The following NPAS3 variants were observed in gnomAD, a reference collection of about 807,000 sequenced individuals.
NPAS3 encodes the protein neuronal PAS domain-containing protein 3.
A neutral mutation model predicts 73.1 loss-of-function variants in NPAS3; 14 were observed. That is an observed-to-expected ratio of 0.19 (90% CI 0.13 to 0.30). NPAS3 has a LOEUF of 0.30. Ranked by LOEUF, NPAS3 falls within the 10% of genes least tolerant of loss-of-function variation. NPAS3 has a pLI of 1.00. For missense variants in NPAS3, 1,096 were observed against 1,250.0 expected, an observed-to-expected ratio of 0.88 and a Z score of 1.86; for synonymous variants, 620 against 541.5, an observed-to-expected ratio of 1.14 and a Z score of -2.01.
At chr14:33,447,206 G>A (rs1012981742) in intron 4 of NPAS3, among the ~76,000 whole-genome samples, 3 of 152,338 alleles carry the variant, frequency 2.0e-5, no homozygotes, top group African/African-American at 7.2e-5. Context: ...TCTTTGCAGA[G>A]GATAGTACTT....
intron 7 of NPAS3, among the ~76,000 whole-genome samples, chr14:33,757,796 G>A (rs541811513): frequency 6.6e-6 from 1 of 152,328 alleles, no homozygotes; most frequent in East Asian, 1.9e-4. Flanking sequence ...GAAATAAAGA[G>A]TGGTCCAAGG....
chr14:33,754,610 C>G (rs1418686054), intron 7 of NPAS3, among the ~76,000 whole-genome samples: 1 of 152,144 alleles, frequency 6.6e-6, no homozygotes, highest in Non-Finnish European at 1.5e-5. Flanking sequence ...CATCCTCATC[C>G]CCATCCCACT....
chr14:33,719,697 TCACCAGCCTGTA>T (rs1292891898), intron 6 of NPAS3, among the ~76,000 whole-genome samples: 1 of 152,050 alleles, frequency 6.6e-6, no homozygotes, highest in African/African-American at 2.4e-5. Context: ...CTTCAACGAG[TCACCAGCCTGTA>T]CCATTTGCCT....
chr14:33,638,493 A>G (rs2058588190), intron 5 of NPAS3, among the ~76,000 whole-genome samples: 2 of 152,378 alleles, frequency 1.3e-5, no homozygotes, highest in South Asian at 4.1e-4. Flanking sequence ...GGAGAAAATA[A>G]TAACACCAGC....
chr14:32,961,019 T>C (rs2036888842), intron 1 of NPAS3, among the ~76,000 whole-genome samples: 1 of 152,234 alleles, frequency 6.6e-6, no homozygotes, highest in Non-Finnish European at 1.5e-5. Context: ...TTTTTGTTTT[T>C]GAAAATATTT....
intron 4 of NPAS3, among the ~76,000 whole-genome samples, chr14:33,414,187 T>C (rs1345210276): frequency 3.3e-5 from 5 of 152,074 alleles, no homozygotes; most frequent in Admixed American, 3.3e-4. Flanking sequence ...AACGGAGGCA[T>C]GAGAGCAAAA....
intron 4 of NPAS3, among the ~76,000 whole-genome samples, chr14:33,510,548 T>C (rs980731635): frequency 6.6e-5 from 10 of 152,096 alleles, no homozygotes; most frequent in African/African-American, 2.4e-4. Flanking sequence ...AGCATTATGT[T>C]GTAAGGAATT....
At chr14:33,103,979 A>G (rs999023934) in intron 2 of NPAS3, among the ~76,000 whole-genome samples, 1 of 152,162 alleles carries the variant, frequency 6.6e-6, no homozygotes, top group African/African-American at 2.4e-5. Flanking sequence ...AATCTTAAAT[A>G]TGCTGTTGAC....
intron 3 of NPAS3, among the ~76,000 whole-genome samples, chr14:33,222,631 A>G (rs1192363167): frequency 1.3e-5 from 2 of 152,202 alleles, no homozygotes; most frequent in Non-Finnish European, 2.9e-5. Context: ...CTATGAGCTT[A>G]TTGAGGCAAT....
At chr14:33,254,970 A>G (rs184745964) in intron 3 of NPAS3, among the ~76,000 whole-genome samples, 40 of 152,230 alleles carry the variant, frequency 2.6e-4, no homozygotes, top group Admixed American at 2.6e-3. Flanking sequence ...TAAAAAAAAA[A>G]ACTAGTTGCA....
rs575533166 is a variant in NPAS3, at chr14:32,957,412, C to T, written c.50+18046C>T. 1.6e-4 allele frequency among the ~76,000 whole-genome samples: 24 copies of T among 147,288 alleles called. No homozygotes were observed. The East Asian group carries it at 4.0e-3, about 25-fold the overall frequency. On this transcript the variant is annotated intron_variant, in intron 1 of 11. Coordinates refer to ENST00000356141, the Ensembl canonical transcript of NPAS3. Reference sequence around the variant, plus strand: ...TTGGAAATGGAGTCTCGCTCTGTGGCGCAGGCTGGAGTGCAGTGGTGCGAT... The same window carrying T: ...TTGGAAATGGAGTCTCGCTCTGTGGTGCAGGCTGGAGTGCAGTGGTGCGAT...
At chr14:33,584,880 T>C (rs991403633) in intron 5 of NPAS3, among the ~76,000 whole-genome samples, 1 of 152,108 alleles carries the variant, frequency 6.6e-6, no homozygotes. Context: ...TAACAGTAAA[T>C]AAGGCGCACC....
intron 4 of NPAS3, among the ~76,000 whole-genome samples, chr14:33,523,912 G>A (rs970606531): frequency 6.7e-6 from 1 of 148,400 alleles, no homozygotes; most frequent in Non-Finnish European, 1.5e-5. Flanking sequence ...CCTACGCCTT[G>A]AGACAAGAGA....
intron 4 of NPAS3, among the ~76,000 whole-genome samples, chr14:33,482,845 T>A (rs1395221651): frequency 6.6e-6 from 1 of 152,198 alleles, no homozygotes; most frequent in Non-Finnish European, 1.5e-5. Flanking sequence ...CTCTTCACTT[T>A]TTCTCTTTCT....
At chr14:33,091,870 C>A (rs999070403) in intron 2 of NPAS3, among the ~76,000 whole-genome samples, 1 of 152,160 alleles carries the variant, frequency 6.6e-6, no homozygotes, top group African/African-American at 2.4e-5. Context: ...ATGACAAAAA[C>A]CACATGATTA....
intron 3 of NPAS3, among the ~76,000 whole-genome samples, chr14:33,269,829 G>A (rs745392786): frequency 2.2e-4 from 34 of 152,012 alleles, no homozygotes; most frequent in Non-Finnish European, 4.1e-4. Context: ...GTATGGGGAG[G>A]GAGGGCAAGA....
chr14:33,326,457 C>A (rs1289159641), intron 3 of NPAS3, among the ~76,000 whole-genome samples: 1 of 152,174 alleles, frequency 6.6e-6, no homozygotes, highest in African/African-American at 2.4e-5. Flanking sequence ...GAAAGTCTTT[C>A]TAGGGCCTCC....
chr14:33,075,788 T>G (rs1341009490), intron 2 of NPAS3, among the ~76,000 whole-genome samples: 3 of 152,256 alleles, frequency 2.0e-5, no homozygotes, highest in African/African-American at 7.2e-5. Flanking sequence ...AAATCTTCAG[T>G]AAACTGTATT....
intron 5 of NPAS3, among the ~76,000 whole-genome samples, chr14:33,569,036 C>A (rs12434620): frequency 0.019 from 2,816 of 152,204 alleles, 169 homozygotes; most frequent in East Asian, 0.18. Context: ...TTTATAAATG[C>A]ATACAATTTG....
Sources: allele counts gnomAD v4.1 joint callset (sites outside exome capture counted in the v4.1 genomes callset), GRCh38; gene constraint gnomAD v4.1.1; transcripts MANE v1.5; gene names NCBI Gene and HGNC (gene_info 2026-07-23, HGNC 2026-07-21).